Variants in RMND5B observed in about 807,000 individuals in gnomAD.
RMND5B encodes E3 ubiquitin-protein transferase RMND5B.
Under a neutral mutation model 50.4 loss-of-function variants are expected in RMND5B, and 42 were observed. The ratio of observed to expected loss-of-function variants is 0.83; its 90% CI spans 0.65 to 1.08. The LOEUF is 1.08. Among genes scored for constraint, RMND5B ranks in the 50% least tolerant of loss-of-function variants. The probability of loss-of-function intolerance (pLI) is 0.00; values close to 1 mark genes in which losing one functional copy is unlikely to be tolerated. For missense variants in RMND5B, 463 were observed against 508.5 expected (o/e 0.91, Z 0.86); for synonymous variants, 220 against 210.0 (o/e 1.05, Z -0.41).
rs1372744666 is a variant in RMND5B, at chr5:178,150,412, T to C, written c.*2380T>C. 7.5e-6 allele frequency: 2 copies of C among 267,658 alleles called. No individual in the cohort carries two copies. The highest frequency in any genetic ancestry group is 1.5e-5 in the Non-Finnish European group (2 of 134,726). 16.6% of individuals were successfully genotyped at this position (267,658 alleles called of 1,614,324 possible). A position where few individuals can be genotyped will look rare whatever the true frequency, so the allele number is the denominator to read the frequency against. On this transcript the variant is annotated 3_prime_UTR_variant, in exon 11 of 11. Coordinates refer to ENST00000313386, the MANE Select transcript of RMND5B (RefSeq NM_022762.5). ...TTTTTTTTTTGAGACAGGGCCTCAC[T>C]CTGTCATGCAGTCTGGAGTGTGGTG...
chr5:178,147,339 G>A (rs761478005), intron 8 of RMND5B, 194 bp from the exon 9 acceptor site: 3 of 589,876 alleles, frequency 5.1e-6, no homozygotes, highest in Non-Finnish European at 9.1e-6. Flanking sequence ...GCATTAGAAT[G>A]AGTCTGTAGA....
chr5:178,137,550 G>A lies in RMND5B; in HGVS notation c.-12-558G>A, dbSNP rs1409002553. Among the ~76,000 whole-genome samples, 1 of 152,074 alleles carries A rather than the reference G, an allele frequency of 6.6e-6. No individual in the cohort carries two copies. The highest frequency in any genetic ancestry group is 1.5e-5 in the Non-Finnish European group (1 of 68,012). The stretch of plus-strand genomic sequence containing the variant: ...AAAAAAAATTTTAAATTAGACAGGT[G>A]TAGAAGCACACTCCTGTGGTCCCAG... On this transcript the variant is annotated intron_variant, in intron 2 of 10. Transcript: ENST00000313386. This position sits in a 1 kb window ranked among gnomAD's most constrained non-coding sequence, Gnocchi z 4.4.
Position 178,146,269 on chromosome 5 carries a change from C to T in RMND5B, c.850C>T (p.Leu284Phe), listed in dbSNP as rs774329334. 1.2e-6 allele frequency: 2 copies of T among 1,614,058 alleles called. No homozygotes were observed. Among genetic ancestry groups the T allele is most frequent in the African/African-American group, 2.7e-5 (2 of 75,050 alleles). The change falls in exon 8 of 11, where the codon CTT becomes TTT. Residue 284 changes from leucine (L) to phenylalanine (F), a missense_variant. By Grantham distance (22) the Leu-to-Phe change is conservative (BLOSUM62 0). Coordinates refer to ENST00000313386, the MANE Select transcript of RMND5B (RefSeq NM_022762.5). ...SLLGLSVESPLSVSFASGCVA... is the reference protein window; with the variant it reads ...SLLGLSVESPFSVSFASGCVA... Reference sequence around the variant, plus strand: ...GCTGGGGCTTTCTGTGGAGTCCCCCCTTAGCGTCAGGTACAACCCAGCCCT... The same window carrying T: ...GCTGGGGCTTTCTGTGGAGTCCCCCTTTAGCGTCAGGTACAACCCAGCCCT...
At chr5:178,133,960 G>A (rs1215329697) in intron 2 of RMND5B, among the ~76,000 whole-genome samples, 1 of 150,770 alleles carries the variant, frequency 6.6e-6, no homozygotes, top group African/African-American at 2.4e-5. Flanking sequence ...TGATCCACTC[G>A]CCTCGGCCTC....
At chr5:178,141,692 ATAAAT>A (rs922803523) in intron 3 of RMND5B, 1 of 152,190 alleles carries the variant, frequency 6.6e-6, no homozygotes, top group African/African-American at 2.4e-5. Context: ...CTCAAAATAA[ATAAAT>A]ACATACATAC....
intron 2 of RMND5B, among the ~76,000 whole-genome samples, chr5:178,133,959 C>T (rs1367516263): frequency 2.0e-5 from 3 of 152,142 alleles, no homozygotes; most frequent in African/African-American, 4.8e-5. Context: ...ATGATCCACT[C>T]GCCTCGGCCT....
chr5:178,142,831 C>T (rs753478363), intron 4 of RMND5B, 21 bp from the exon 5 acceptor site: 7 of 1,614,034 alleles, frequency 4.3e-6, no homozygotes, highest in South Asian at 2.2e-5. Context: ...TCACCAGGCC[C>T]TGTCTCTCCT....
intron 8 of RMND5B, chr5:178,147,180 G>C: frequency 3.6e-6 from 1 of 274,632 alleles, no homozygotes; most frequent in South Asian, 5.6e-5. Flanking sequence ...TGACTACACA[G>C]CAGGGTACGT....
At chr5:178,143,074 T>C (rs1034469652) in intron 5 of RMND5B, 82 bp downstream of exon 5, 1 of 1,459,014 alleles carries the variant, frequency 6.9e-7, no homozygotes, top group African/African-American at 1.4e-5. Context: ...GTCCCTACCA[T>C]TCTCAAATCC....
At position 178,150,075 on chromosome 5, in the gene RMND5B, C is replaced by T; in HGVS notation, c.*2043C>T. 1 of 432,610 alleles carries T rather than the reference C, an allele frequency of 2.3e-6. No individual in the cohort carries two copies. The highest frequency in any genetic ancestry group is 4.0e-5 in the Admixed American group (1 of 25,108). The allele number at this position is 432,610 out of a possible 1,614,324, so 26.8% of individuals were successfully genotyped here. A position where few individuals can be genotyped will look rare whatever the true frequency, so the allele number is the denominator to read the frequency against. On this transcript the variant is annotated 3_prime_UTR_variant, in exon 11 of 11. Coordinates refer to ENST00000313386, the MANE Select transcript of RMND5B (RefSeq NM_022762.5). ...CATGGCAACTATGAAAGGGCTCCAGCCCAGCAGGGGCTGTCCCGGTCCCTG... is the reference window on the plus strand; with the variant it reads ...CATGGCAACTATGAAAGGGCTCCAGTCCAGCAGGGGCTGTCCCGGTCCCTG...
chr5:178,147,369 A>G (rs369416886), intron 8 of RMND5B, 164 bp from the exon 9 acceptor site: 10 of 616,224 alleles, frequency 1.6e-5, no homozygotes, highest in African/African-American at 1.5e-4. Flanking sequence ...ACATAAGTAC[A>G]TATGTGACAT....
chr5:178,143,542 C>T (rs1388234449), intron 5 of RMND5B, 85 bp from the exon 6 acceptor site: 6 of 1,066,338 alleles, frequency 5.6e-6, no homozygotes, highest in East Asian at 2.4e-5. Context: ...CTGTCTTTGG[C>T]GGGTGAGCTT....
In RMND5B at chr5:178,136,266, T is replaced by A. The variant is rs1758617423; in HGVS notation, c.-12-1842T>A. On this transcript the variant is annotated intron_variant, in intron 2 of 10. Coordinates refer to ENST00000313386, the MANE Select transcript of RMND5B (RefSeq NM_022762.5). Reference sequence around the variant, plus strand: ...AGCATTAGGTAAATGAATTAATGTATGCAAAGTCATTAGAACGGTGCCTGG... The same window carrying A: ...AGCATTAGGTAAATGAATTAATGTAAGCAAAGTCATTAGAACGGTGCCTGG... The A allele has an allele frequency of 2.0e-5, 3 of 152,246 alleles. No homozygotes were observed. In the South Asian group the frequency reaches 6.2e-4, roughly 32 times the overall value. The allele number at this position is 152,246 out of a possible 1,614,324, so 9.4% of individuals were successfully genotyped here.
intron 2 of RMND5B, among the ~76,000 whole-genome samples, chr5:178,133,861 G>A (rs188000125): frequency 0.021 from 3,132 of 152,130 alleles, 39 homozygotes; most frequent in Middle Eastern, 0.061. Flanking sequence ...ACGGGTGCCC[G>A]CCACCACACC....
chr5:178,146,403 T>A, intron 8 of RMND5B, 124 bp downstream of exon 8: 1 of 864,436 alleles, frequency 1.2e-6, no homozygotes, highest in Non-Finnish European at 1.8e-6. Flanking sequence ...CTGGCTTTCT[T>A]AGTCATTCTT....
chr5:178,140,214 C>A (rs1001022910), intron 3 of RMND5B, among the ~76,000 whole-genome samples: 1 of 152,122 alleles, frequency 6.6e-6, no homozygotes, highest in African/African-American at 2.4e-5. Flanking sequence ...CACTTTGTTG[C>A]CCAGGCTGCA....
At chr5:178,132,051 G>A (rs528950881) in intron 2 of RMND5B, among the ~76,000 whole-genome samples, 1 of 152,272 alleles carries the variant, frequency 6.6e-6, no homozygotes, top group African/African-American at 2.4e-5. Context: ...GGTGGTTCAC[G>A]CCCGTAATTC....
chr5:178,150,194 T>A lies in RMND5B; in HGVS notation c.*2162T>A, dbSNP rs1471877735. On this transcript the variant is annotated 3_prime_UTR_variant, in exon 11 of 11. Coordinates refer to ENST00000313386, the MANE Select transcript of RMND5B (RefSeq NM_022762.5). ...TGAGCCTAAACCCACCTAACCGGAC[T>A]AACATGGGTGAAGCATCTTAGCTTA... is the stretch of plus-strand genomic sequence containing the variant. 8.6e-6 allele frequency: 2 copies of A among 231,824 alleles called. No individual in the cohort carries two copies. Among genetic ancestry groups the A allele is most frequent in the Admixed American group, 1.0e-4 (2 of 19,328 alleles). 14.4% of individuals were successfully genotyped at this position (231,824 alleles called of 1,614,324 possible).
In RMND5B at chr5:178,137,468, G is replaced by A. The variant is rs1200990479; in HGVS notation, c.-12-640G>A. ...TTTGAGAGGCCAAGGTGGAAAGATC[G>A]TTTGAGCCCAGGAGTTTGAGACCAG... On this transcript the variant is annotated intron_variant, in intron 2 of 10. Coordinates refer to ENST00000313386, the MANE Select transcript of RMND5B (RefSeq NM_022762.5). This position sits in a 1 kb window ranked among gnomAD's most constrained non-coding sequence, Gnocchi z 4.4. 6.6e-6 allele frequency among the ~76,000 whole-genome samples: 1 copy of A among 152,132 alleles called. No individual in the cohort carries two copies. The highest frequency in any genetic ancestry group is 2.4e-5 in the African/African-American group (1 of 41,424).
Sources: allele counts gnomAD v4.1 joint callset (sites outside exome capture counted in the v4.1 genomes callset), GRCh38; gene constraint gnomAD v4.1.1; non-coding constraint Gnocchi (gnomAD v3.1); transcripts MANE v1.5; gene names NCBI Gene and HGNC (gene_info 2026-07-23, HGNC 2026-07-21).